Variants in L3MBTL4 observed in about 807,000 individuals in gnomAD.
L3MBTL4 encodes the protein lethal(3)malignant brain tumor-like protein 4.
In L3MBTL4, 70 loss-of-function variants were observed where a neutral mutation model predicts 84.5. That is an observed-to-expected ratio of 0.83 (90% CI 0.68 to 1.01). L3MBTL4 has a LOEUF of 1.01. Among genes scored for constraint, L3MBTL4 ranks in the 50% least tolerant of loss-of-function variants. The pLI is 0.00. For synonymous variants in L3MBTL4, 274 were observed against 259.8 expected, an observed-to-expected ratio of 1.05 and a Z score of -0.52; for missense variants, 715 against 754.8, an observed-to-expected ratio of 0.95 and a Z score of 0.62.
intron 1 of L3MBTL4, among the ~76,000 whole-genome samples, chr18:6,329,873 C>T (rs1472930587): frequency 1.3e-5 from 2 of 152,148 alleles, no homozygotes; most frequent in African/African-American, 2.4e-5. Context: ...GATTAAGTTT[C>T]GACAGGAGTT....
At chr18:6,386,198 G>A (rs1199220181) in intron 1 of L3MBTL4, among the ~76,000 whole-genome samples, 2 of 152,150 alleles carry the variant, frequency 1.3e-5, no homozygotes, top group African/African-American at 2.4e-5. Flanking sequence ...TGAACTTAAA[G>A]AATGAGAAAG....
At chr18:6,022,341 C>A (rs2055310710) in intron 16 of L3MBTL4, among the ~76,000 whole-genome samples, 1 of 152,178 alleles carries the variant, frequency 6.6e-6, no homozygotes, top group Admixed American at 6.5e-5. Flanking sequence ...AAACCTTCAC[C>A]TCCTTTTGCC....
intron 16 of L3MBTL4, among the ~76,000 whole-genome samples, chr18:6,006,838 G>A (rs1391642645): frequency 6.6e-6 from 1 of 152,188 alleles, no homozygotes; most frequent in Non-Finnish European, 1.5e-5. Context: ...GGCATCTCAA[G>A]TTAGTAAGGA....
intron 1 of L3MBTL4, among the ~76,000 whole-genome samples, chr18:6,381,043 G>T (rs2144348077): frequency 6.6e-6 from 1 of 152,300 alleles, no homozygotes; most frequent in East Asian, 1.9e-4. Context: ...AGCTCTTCTT[G>T]TTGCATTGAT....
intron 1 of L3MBTL4, among the ~76,000 whole-genome samples, chr18:6,404,136 TG>T (rs1243054576): frequency 6.6e-6 from 1 of 152,090 alleles, no homozygotes; most frequent in East Asian, 1.9e-4. Context: ...GACTACACAT[TG>T]GGTACAGTGT....
chr18:6,084,730 C>T (rs927558746), intron 15 of L3MBTL4, among the ~76,000 whole-genome samples: 2 of 152,180 alleles, frequency 1.3e-5, no homozygotes, highest in Admixed American at 1.3e-4. Flanking sequence ...GAAAGGGCTA[C>T]ATCAGAGAGA....
At chr18:6,269,938 T>C (rs2048794330) in intron 4 of L3MBTL4, among the ~76,000 whole-genome samples, 1 of 152,220 alleles carries the variant, frequency 6.6e-6, no homozygotes, top group Non-Finnish European at 1.5e-5. Context: ...ACTGTCATTC[T>C]TAAGGATACA....
At chr18:6,346,418 G>A (rs1486829346) in intron 1 of L3MBTL4, among the ~76,000 whole-genome samples, 1 of 151,794 alleles carries the variant, frequency 6.6e-6, no homozygotes, top group African/African-American at 2.4e-5. Context: ...TATGAAATGG[G>A]AGAAAATATT....
chr18:6,282,742 G>A (rs1178608835), intron 4 of L3MBTL4, among the ~76,000 whole-genome samples: 1 of 152,114 alleles, frequency 6.6e-6, no homozygotes. Context: ...CAATGCAGCT[G>A]GCATTGTGCA....
At chr18:6,354,981 T>A (rs2053369936) in intron 1 of L3MBTL4, among the ~76,000 whole-genome samples, 3 of 152,170 alleles carry the variant, frequency 2.0e-5, no homozygotes, top group South Asian at 2.1e-4. Context: ...ATTTTTGCAC[T>A]CCCATGTTTG....
intron 5 of L3MBTL4, among the ~76,000 whole-genome samples, chr18:6,251,755 A>G (rs1274142414): frequency 6.6e-6 from 1 of 152,198 alleles, no homozygotes; most frequent in South Asian, 2.1e-4. Context: ...TGTACCACCT[A>G]TGGCCATTAA....
chr18:6,375,899 G>C (rs1426109408), intron 1 of L3MBTL4, among the ~76,000 whole-genome samples: 2 of 152,174 alleles, frequency 1.3e-5, no homozygotes, highest in East Asian at 3.9e-4. Context: ...ACTCAGGCGA[G>C]GGCACTAGTT....
At chr18:6,304,548 C>A (rs984364103) in intron 3 of L3MBTL4, among the ~76,000 whole-genome samples, 7 of 152,238 alleles carry the variant, frequency 4.6e-5, no homozygotes, top group Non-Finnish European at 7.3e-5. Context: ...AAGCTCCCAG[C>A]AGATGCTACT....
intron 1 of L3MBTL4, among the ~76,000 whole-genome samples, chr18:6,312,493 G>A (rs577757222): frequency 1.5e-3 from 222 of 152,134 alleles, no homozygotes; most frequent in African/African-American, 5.3e-3. Flanking sequence ...CCACCCATTT[G>A]CCCAGAGCTT....
intron 1 of L3MBTL4, among the ~76,000 whole-genome samples, chr18:6,366,176 A>C (rs2053927072): frequency 1.3e-5 from 2 of 152,230 alleles, no homozygotes. Context: ...TTAATAACTA[A>C]ATTTAATAAT....
At chr18:6,074,707 T>A (rs1159925994) in intron 16 of L3MBTL4, among the ~76,000 whole-genome samples, 2 of 152,112 alleles carry the variant, frequency 1.3e-5, no homozygotes. Context: ...CAAAGTGAGG[T>A]CTACCTATAC....
intron 14 of L3MBTL4, among the ~76,000 whole-genome samples, chr18:6,101,061 C>T (rs1452596491): frequency 1.3e-5 from 2 of 152,192 alleles, no homozygotes; most frequent in African/African-American, 4.8e-5. Flanking sequence ...GAAGGTGTTT[C>T]CTGGGGTGTT....
chr18:6,051,899 G>T (rs1466027412), intron 16 of L3MBTL4, among the ~76,000 whole-genome samples: 1 of 152,230 alleles, frequency 6.6e-6, no homozygotes, highest in African/African-American at 2.4e-5. Context: ...AGAACTGAAA[G>T]TGGCCACTGT....
At chr18:6,099,585 A>AATATATATATATATAT (rs36091567) in intron 14 of L3MBTL4, among the ~76,000 whole-genome samples, 1,068 of 64,654 alleles carry the variant, frequency 0.017, 181 homozygotes, top group South Asian at 0.038. Context: ...AGATAATGTA[A>AATATATATATATATAT]ATATATATAT....
Sources: gnomAD v4.1 joint callset for allele counts (sites outside exome capture counted in the v4.1 genomes callset) on GRCh38, gnomAD v4.1.1 for gene constraint, MANE v1.5 for transcripts, NCBI Gene and HGNC (gene_info 2026-07-23, HGNC 2026-07-21) for gene names.